Variants in PPP1R12B observed in about 807,000 individuals in gnomAD.
PPP1R12B encodes the protein myosin phosphatase target subunit 2.
PPP1R12B carries 76 observed loss-of-function variants against 126.1 expected under a neutral mutation model. The ratio of observed to expected loss-of-function variants is 0.60; its 90% CI spans 0.50 to 0.73. The LOEUF is 0.73. Ranked by LOEUF, PPP1R12B falls within the 30% of genes least tolerant of loss-of-function variation. PPP1R12B has a pLI of 0.00. For synonymous variants in PPP1R12B, 356 were observed against 434.7 expected, an observed-to-expected ratio of 0.82 and a Z score of 2.25; for missense variants, 1,052 against 1,205.1, an observed-to-expected ratio of 0.87 and a Z score of 1.88.
intron 18 of PPP1R12B, among the ~76,000 whole-genome samples, chr1:202,515,455 A>G (rs577985200): frequency 2.6e-5 from 4 of 152,364 alleles, no homozygotes; most frequent in African/African-American, 9.6e-5. Context: ...AGCTTTAGGC[A>G]TAGCTAAATC....
chr1:202,469,187 G>A (rs914181783), intron 13 of PPP1R12B, among the ~76,000 whole-genome samples: 5 of 152,190 alleles, frequency 3.3e-5, no homozygotes, highest in Middle Eastern at 3.2e-3. Flanking sequence ...TAATGATAAA[G>A]TGTAGTCCCT....
chr1:202,372,575 G>C (rs1660475792), intron 1 of PPP1R12B, among the ~76,000 whole-genome samples: 1 of 151,704 alleles, frequency 6.6e-6, no homozygotes, highest in Non-Finnish European at 1.5e-5. Context: ...ACTTTGGGAG[G>C]CTGGGCAACA....
intron 1 of PPP1R12B, among the ~76,000 whole-genome samples, chr1:202,399,284 G>A (rs766787593): frequency 1.3e-5 from 2 of 152,040 alleles, no homozygotes; most frequent in African/African-American, 2.4e-5. Flanking sequence ...GTAGTGGTGC[G>A]TACATGGCTT....
At chr1:202,385,908 G>A (rs1663041982) in intron 1 of PPP1R12B, among the ~76,000 whole-genome samples, 1 of 151,906 alleles carries the variant, frequency 6.6e-6, no homozygotes, top group Non-Finnish European at 1.5e-5. Flanking sequence ...CATAAGATTT[G>A]CAAGTGCCTC....
intron 14 of PPP1R12B, 144 bp from the exon 15 acceptor site, chr1:202,492,970 G>T (rs1191166160): frequency 2.6e-6 from 2 of 757,910 alleles, no homozygotes; most frequent in African/African-American, 3.5e-5. Flanking sequence ...AGCATATATT[G>T]CTTGAAGTGG....
intron 18 of PPP1R12B, among the ~76,000 whole-genome samples, chr1:202,498,521 A>G (rs1008699630): frequency 6.6e-6 from 1 of 152,160 alleles, no homozygotes; most frequent in Admixed American, 6.5e-5. Flanking sequence ...TAAAAGTCTT[A>G]TATTTGCTTG....
At position 202,499,475 on chromosome 1, in the gene PPP1R12B, G is replaced by A. The variant is rs149253908; in HGVS notation, c.2490+2653G>A. On this transcript the variant is annotated intron_variant, in intron 18 of 23. Transcript: ENST00000608999. ...TCACCACGTTGCCCAGGCTGGTCTCGAACTCCTGGGCTCAAACAGTCCTCC... is the reference window on the plus strand; with the variant it reads ...TCACCACGTTGCCCAGGCTGGTCTCAAACTCCTGGGCTCAAACAGTCCTCC... Among the ~76,000 whole-genome samples, 383 of 152,222 alleles carry A rather than the reference G, an allele frequency of 2.5e-3. 3 individuals are homozygous for A. Among genetic ancestry groups the A allele is most frequent in the African/African-American group, 8.9e-3 (371 of 41,546 alleles).
chr1:202,438,307 A>T (rs1003425419), intron 10 of PPP1R12B: 1 of 1,485,292 alleles, frequency 6.7e-7, no homozygotes, highest in Non-Finnish European at 9.2e-7. Flanking sequence ...TGGATCAGCA[A>T]CATAAAAATT....
At chr1:202,532,304 G>A (rs571089039) in intron 18 of PPP1R12B, among the ~76,000 whole-genome samples, 5 of 152,130 alleles carry the variant, frequency 3.3e-5, no homozygotes, top group East Asian at 1.9e-4. Context: ...CTTCTTTATC[G>A]CAGCCTGTTT....
At chr1:202,502,640 C>G (rs1303536059) in intron 18 of PPP1R12B, 1 of 262,928 alleles carries the variant, frequency 3.8e-6, no homozygotes, top group Admixed American at 6.5e-5. Flanking sequence ...AAAGTAAATA[C>G]TATGTTAAAA....
chr1:202,394,476 C>T (rs1365165527), intron 1 of PPP1R12B, among the ~76,000 whole-genome samples: 3 of 152,002 alleles, frequency 2.0e-5, no homozygotes, highest in Non-Finnish European at 4.4e-5. Context: ...AATTTGGGGC[C>T]GGGCACAGTG....
At chr1:202,482,736 T>C (rs1004430434) in intron 13 of PPP1R12B, among the ~76,000 whole-genome samples, 14 of 152,328 alleles carry the variant, frequency 9.2e-5, no homozygotes, top group Admixed American at 3.9e-4. Context: ...TGCAAAAGCT[T>C]TTTAGTTTGT....
intron 4 of PPP1R12B, 143 bp from the exon 5 acceptor site, chr1:202,426,897 A>G: frequency 8.2e-7 from 1 of 1,219,570 alleles, no homozygotes; most frequent in Non-Finnish European, 1.1e-6. Context: ...ATGAAACCCA[A>G]ACTGTGCCTT....
rs1367609552 is a variant in PPP1R12B, at chr1:202,421,754, A to T, written c.423-866A>T. 2.0e-5 allele frequency among the ~76,000 whole-genome samples: 3 copies of T among 152,114 alleles called. No individual in the cohort carries two copies. In the East Asian group the frequency reaches 5.8e-4, roughly 29 times the overall value. Reference sequence around the variant, plus strand: ...TTTGAATCATTTTTCTTTTTCCTTTAAACACTTCTGAGTATTTGATAGAGC... The same window carrying T: ...TTTGAATCATTTTTCTTTTTCCTTTTAACACTTCTGAGTATTTGATAGAGC... On this transcript the variant is annotated intron_variant, in intron 2 of 23. Transcript: ENST00000608999.
rs576426590 is a variant in PPP1R12B at position 202,354,529 on chromosome 1, C to T, written c.291+5387C>T. Among the ~76,000 whole-genome samples the T allele has an allele frequency of 1.6e-4, 24 of 152,332 alleles. No homozygotes were observed. In the South Asian group the frequency reaches 5.0e-3, roughly 32 times the overall value. On this transcript the variant is annotated intron_variant, in intron 1 of 23. Coordinates refer to ENST00000608999, the MANE Select transcript of PPP1R12B (RefSeq NM_002481.4). ...GTTGCAGTGAGCCATGATCGTGCCA[C>T]TGCATTCCAGCCTGGATGACAGAGT...
Position 202,348,863 on chromosome 1 carries a change from G to T in PPP1R12B, c.12G>T (p.Leu4=), listed in dbSNP as rs756588245. The change falls in exon 1 of 24, where the codon CTG becomes CTT. Residue 4 remains leucine (L), a synonymous_variant. Coordinates refer to ENST00000608999, the MANE Select transcript of PPP1R12B (RefSeq NM_002481.4). The stretch of plus-strand genomic sequence containing the variant: ...CCGAGGCCGGAGCAATGGCGGAACT[G>T]GAGCACCTAGGAGGGAAGCGGGCAG... MAE[L]EHLGGKRAES... The T allele has an allele frequency of 1.9e-6, 3 of 1,608,820 alleles. No individual in the cohort carries two copies. In the South Asian group the frequency reaches 3.3e-5, roughly 18 times the overall value.
chr1:202,426,255 C>T (rs1669490695), intron 4 of PPP1R12B, among the ~76,000 whole-genome samples: 1 of 152,108 alleles, frequency 6.6e-6, no homozygotes, highest in Non-Finnish European at 1.5e-5. Flanking sequence ...CAGGCTTTCC[C>T]AAATACATGG....
At chr1:202,538,357 G>A (rs1684766786) in intron 18 of PPP1R12B, among the ~76,000 whole-genome samples, 1 of 152,190 alleles carries the variant, frequency 6.6e-6, no homozygotes, top group African/African-American at 2.4e-5. Flanking sequence ...TCTTCTTAAG[G>A]AAGATGGAAT....
At chr1:202,518,480 T>G (rs1433961683) in intron 18 of PPP1R12B, among the ~76,000 whole-genome samples, 3 of 152,244 alleles carry the variant, frequency 2.0e-5, no homozygotes, top group African/African-American at 7.2e-5. Context: ...GGCAGCCATT[T>G]AAAAGTGAGT....
Sources: allele counts gnomAD v4.1 joint callset (sites outside exome capture counted in the v4.1 genomes callset), GRCh38; gene constraint gnomAD v4.1.1; transcripts MANE v1.5; gene names NCBI Gene and HGNC (gene_info 2026-07-23, HGNC 2026-07-21).